DOCK5: variants seen among roughly 807,000 people sequenced by gnomAD.
DOCK5 encodes the protein dedicator of cytokinesis 5.
A neutral mutation model predicts 251.8 loss-of-function variants in DOCK5; 142 were observed. The observed-to-expected ratio is 0.56, with a 90% CI of 0.49 to 0.65. DOCK5 has a LOEUF of 0.65. Among genes scored for constraint, DOCK5 ranks in the 30% least tolerant of loss-of-function variants. The pLI is 0.00. For missense variants in DOCK5, 2,111 were observed against 2,312.3 expected (o/e 0.91, Z 1.79); for synonymous variants, 842 against 835.5 (o/e 1.01, Z -0.13).
At position 25,414,616 on chromosome 8, in the gene DOCK5, T is replaced by TA. The variant is rs984523710; in HGVS notation, c.*3320dup. The TA allele has an allele frequency of 1.3e-5, 2 of 152,198 alleles. No individual in the cohort carries two copies. The highest frequency in any genetic ancestry group is 4.8e-5 in the African/African-American group (2 of 41,450). 9.4% of individuals were successfully genotyped at this position (152,198 alleles called of 1,614,324 possible). ...AATTTAGATGGAACTCATGTATAGTTAAGTGCACAAATCTTAGCCGTGCAG... is the reference window on the plus strand; with the variant it reads ...AATTTAGATGGAACTCATGTATAGTTAAAGTGCACAAATCTTAGCCGTGCAG... On this transcript the variant is annotated 3_prime_UTR_variant, in exon 52 of 52. Transcript: ENST00000276440.
intron 27 of DOCK5, among the ~76,000 whole-genome samples, chr8:25,355,801 A>G (rs1800557322): frequency 6.6e-6 from 1 of 152,192 alleles, no homozygotes; most frequent in African/African-American, 2.4e-5. Flanking sequence ...TTAACAATGG[A>G]AGCTATTTAG....
intron 27 of DOCK5, among the ~76,000 whole-genome samples, chr8:25,355,650 A>C (rs1464584232): frequency 2.6e-5 from 4 of 151,994 alleles, no homozygotes; most frequent in African/African-American, 9.7e-5. Flanking sequence ...AGGTTTTGCC[A>C]TGTTGGCCGG....
At chr8:25,291,176 AG>A (rs1804475690) in intron 5 of DOCK5, among the ~76,000 whole-genome samples, 1 of 152,152 alleles carries the variant, frequency 6.6e-6, no homozygotes, top group Non-Finnish European at 1.5e-5. Context: ...CTTTAAACCC[AG>A]GAGGGGCATG....
intron 5 of DOCK5, among the ~76,000 whole-genome samples, chr8:25,288,424 G>A (rs934604912): frequency 6.6e-6 from 1 of 152,178 alleles, no homozygotes; most frequent in Non-Finnish European, 1.5e-5. Context: ...AAGAATGACT[G>A]TCTTCATCCT....
At chr8:25,231,835 T>C (rs1050168387) in intron 1 of DOCK5, among the ~76,000 whole-genome samples, 8 of 152,192 alleles carry the variant, frequency 5.3e-5, no homozygotes, top group African/African-American at 1.9e-4. Context: ...ATGGATTTTT[T>C]TTCTACTTTG....
At position 25,395,591 on chromosome 8, in the gene DOCK5, A is replaced by T; in HGVS notation, c.4576A>T (p.Asn1526Tyr). The change falls in exon 45 of 52, where the codon AAC (asparagine) becomes TAC (tyrosine). Residue 1526 changes from asparagine (N) to tyrosine (Y), a missense_variant. Coordinates refer to ENST00000276440, the MANE Select transcript of DOCK5 (RefSeq NM_024940.8). ...ENAIETMELT[N>Y]ERISNCVQQH... Reference sequence around the variant, plus strand: ...TGCCATCGAAACCATGGAGCTGACCAACGAGAGGATCAGCAACTGTGTTCA... The same window carrying T: ...TGCCATCGAAACCATGGAGCTGACCTACGAGAGGATCAGCAACTGTGTTCA... The T allele has an allele frequency of 6.2e-7, 1 of 1,613,756 alleles. No homozygotes were observed. The highest frequency in any genetic ancestry group is 8.5e-7 in the Non-Finnish European group (1 of 1,179,816).
chr8:25,271,460 C>G (rs1803909560), intron 3 of DOCK5, among the ~76,000 whole-genome samples: 1 of 152,174 alleles, frequency 6.6e-6, no homozygotes, highest in African/African-American at 2.4e-5. Context: ...GAGATCAGCT[C>G]ATTAGAAACG....
At chr8:25,307,278 C>A (rs1804968550) in intron 11 of DOCK5, among the ~76,000 whole-genome samples, 1 of 152,016 alleles carries the variant, frequency 6.6e-6, no homozygotes, top group Non-Finnish European at 1.5e-5. Flanking sequence ...GCCATTACAC[C>A]CAGCTAATTT....
At chr8:25,281,439 CAA>C (rs35716928) in intron 5 of DOCK5, among the ~76,000 whole-genome samples, 261 of 135,614 alleles carry the variant, frequency 1.9e-3, no homozygotes, top group South Asian at 6.3e-3. Flanking sequence ...AACTCCGTCT[CAA>C]AAAAAAAAAA....
At chr8:25,342,688 CTTG>C (rs1800258877) in intron 25 of DOCK5, among the ~76,000 whole-genome samples, 181 bp downstream of exon 25, 2 of 114,260 alleles carry the variant, frequency 1.8e-5, no homozygotes, top group African/African-American at 3.4e-5. Context: ...TTTGTTTTTT[CTTG>C]TTTTTTTTTT....
At chr8:25,326,348 G>A (rs116908218) in intron 18 of DOCK5, among the ~76,000 whole-genome samples, 222 of 152,264 alleles carry the variant, frequency 1.5e-3, no homozygotes, top group Non-Finnish European at 2.6e-3. Flanking sequence ...ACAAAAAAGT[G>A]TAGTTATAGG....
intron 2 of DOCK5, among the ~76,000 whole-genome samples, chr8:25,259,932 A>G (rs1157184284): frequency 3.3e-5 from 5 of 152,184 alleles, no homozygotes; most frequent in Non-Finnish European, 5.9e-5. Flanking sequence ...GCATCCCTTG[A>G]CTTTCTGCCT....
chr8:25,223,222 T>G (rs1802436906), intron 1 of DOCK5, among the ~76,000 whole-genome samples: 1 of 152,212 alleles, frequency 6.6e-6, no homozygotes, highest in Admixed American at 6.5e-5. Flanking sequence ...CCCAGGCTGG[T>G]CTTGAACTCC....
intron 26 of DOCK5, among the ~76,000 whole-genome samples, chr8:25,346,306 AAATAAT>A (rs1022979539): frequency 5.9e-5 from 9 of 151,878 alleles, no homozygotes; most frequent in Non-Finnish European, 1.3e-4. Flanking sequence ...TCTCTCTAAA[AAATAAT>A]AATAATAATA....
At chr8:25,349,472 T>C (rs1187405910) in intron 26 of DOCK5, among the ~76,000 whole-genome samples, 1 of 152,204 alleles carries the variant, frequency 6.6e-6, no homozygotes, top group Admixed American at 6.5e-5. Flanking sequence ...TGCACGTGCA[T>C]GTTTATAGCA....
chr8:25,283,437 A>C (rs1221586553), intron 5 of DOCK5, among the ~76,000 whole-genome samples: 2 of 152,060 alleles, frequency 1.3e-5, no homozygotes, highest in African/African-American at 4.8e-5. Context: ...TCCTCTGCAA[A>C]AGTTGATGTA....
chr8:25,222,765 A>G (rs1802428531), intron 1 of DOCK5, among the ~76,000 whole-genome samples: 2 of 152,192 alleles, frequency 1.3e-5, no homozygotes, highest in South Asian at 4.1e-4. Flanking sequence ...TGGCAGCTCA[A>G]TGAGACCTTC....
intron 5 of DOCK5, among the ~76,000 whole-genome samples, chr8:25,289,669 C>T (rs911990195): frequency 2.0e-5 from 3 of 151,334 alleles, no homozygotes; most frequent in Non-Finnish European, 4.4e-5. Flanking sequence ...ATGGAGAAAC[C>T]CCATCTCTAC....
At chr8:25,325,888 TG>T (rs1191875083) in intron 18 of DOCK5, among the ~76,000 whole-genome samples, 2 of 152,186 alleles carry the variant, frequency 1.3e-5, no homozygotes, top group African/African-American at 4.8e-5. Flanking sequence ...CAGGAAGAGA[TG>T]TTGGTAGTAA....
Sources: allele counts gnomAD v4.1 joint callset (sites outside exome capture counted in the v4.1 genomes callset), GRCh38; gene constraint gnomAD v4.1.1; transcripts MANE v1.5; gene names NCBI Gene and HGNC (gene_info 2026-07-23, HGNC 2026-07-21).